FAM53B: variants seen among roughly 807,000 people sequenced by gnomAD.
FAM53B encodes the protein family with sequence similarity 53 member B.
A neutral mutation model predicts 32.7 loss-of-function variants in FAM53B; 12 were observed. The ratio of observed to expected loss-of-function variants is 0.37; its 90% CI spans 0.24 to 0.59. The LOEUF is 0.59. Among genes scored for constraint, FAM53B ranks in the 20% least tolerant of loss-of-function variants. The pLI is 0.72. For synonymous variants in FAM53B, 234 were observed against 228.7 expected, an observed-to-expected ratio of 1.02 and a Z score of -0.21; for missense variants, 477 against 577.7, an observed-to-expected ratio of 0.83 and a Z score of 1.79.
chr10:124,681,731 C>G lies in FAM53B; in HGVS notation c.782G>C (p.Ser261Thr). The G allele has an allele frequency of 6.2e-7, 1 of 1,610,680 alleles. No homozygotes were observed. Among genetic ancestry groups the G allele is most frequent in the Non-Finnish European group, 8.5e-7 (1 of 1,178,598 alleles). The part of the protein sequence containing the change: ...ASTPELARRS[S>T]GLSRSRSQPC... ...CTGGGAGCGGCTGCGGGAAAGGCCG[C>G]TGGAGCGTCTCGCCAGCTCTGGTGT... The change falls in exon 4 of 5, where the codon AGC becomes ACC. Residue 261 changes from serine to threonine, a missense_variant. Ser to Thr is a moderately conservative substitution (Grantham distance 58). This residue lies in a region of FAM53B where 312 missense variants were observed against 420.2 expected (regional missense o/e 0.74). Coordinates refer to ENST00000337318, the MANE Select transcript of FAM53B (RefSeq NM_014661.4).
At chr10:124,717,314 G>C (rs1177811403) in intron 1 of FAM53B, among the ~76,000 whole-genome samples, 1 of 152,194 alleles carries the variant, frequency 6.6e-6, no homozygotes, top group African/African-American at 2.4e-5. Flanking sequence ...TGACTCTCTG[G>C]GCCTCAGTTT....
chr10:124,713,677 A>C (rs1004329971), intron 1 of FAM53B: 1 of 152,248 alleles, frequency 6.6e-6, no homozygotes, highest in African/African-American at 2.4e-5. Flanking sequence ...GCTATCCCTT[A>C]AAAGAAACTG....
chr10:124,646,257 T>A (rs1484784610), intron 4 of FAM53B, among the ~76,000 whole-genome samples: 1 of 152,220 alleles, frequency 6.6e-6, no homozygotes, highest in Non-Finnish European at 1.5e-5. Flanking sequence ...CCTGTGTGAG[T>A]GCAGCTCGCT....
chr10:124,698,690 G>A (rs1260178076), intron 2 of FAM53B, among the ~76,000 whole-genome samples: 3 of 151,990 alleles, frequency 2.0e-5, no homozygotes, highest in Admixed American at 1.3e-4. Flanking sequence ...CCCACCATTG[G>A]CCCTGATCCC....
At chr10:124,631,353 C>G (rs892846770) in intron 4 of FAM53B, among the ~76,000 whole-genome samples, 1 of 152,190 alleles carries the variant, frequency 6.6e-6, no homozygotes, top group Non-Finnish European at 1.5e-5. Context: ...CAGCCCATCC[C>G]CAGCCCAGAC....
At chr10:124,642,814 G>C (rs969586745) in intron 4 of FAM53B, among the ~76,000 whole-genome samples, 1 of 152,174 alleles carries the variant, frequency 6.6e-6, no homozygotes, top group Non-Finnish European at 1.5e-5. Flanking sequence ...GTCGGTCTAG[G>C]AGAAACCTCT....
chr10:124,695,660 T>C (rs142720068), intron 3 of FAM53B, among the ~76,000 whole-genome samples: 32 of 152,356 alleles, frequency 2.1e-4, no homozygotes, highest in South Asian at 6.2e-4. Context: ...AATGCGGTAC[T>C]GTAGACCATT....
At position 124,621,420 on chromosome 10, in the gene FAM53B, A is replaced by C. The variant is rs998009064; in HGVS notation, c.*1822T>G. 1 of 152,268 alleles carries C rather than the reference A, an allele frequency of 6.6e-6. No individual in the cohort carries two copies. Among genetic ancestry groups the C allele is most frequent in the African/African-American group, 2.4e-5 (1 of 41,464 alleles). The allele number at this position is 152,268 out of a possible 1,614,324, so 9.4% of individuals were successfully genotyped here. ...TTGGGTTCGGCTGTCCGGGATCACA[A>C]GTAGACATGCCTCCGGCAGGAGCTA... is the stretch of plus-strand genomic sequence containing the variant. On this transcript the variant is annotated 3_prime_UTR_variant, in exon 5 of 5. Coordinates refer to ENST00000337318, the MANE Select transcript of FAM53B (RefSeq NM_014661.4).
chr10:124,645,749 G>A (rs1429173551), intron 4 of FAM53B, among the ~76,000 whole-genome samples: 8 of 152,140 alleles, frequency 5.3e-5, no homozygotes, highest in Admixed American at 4.6e-4. Context: ...GCAGAAGTGC[G>A]CCAGGAAACC....
intron 3 of FAM53B, among the ~76,000 whole-genome samples, chr10:124,687,071 AC>A (rs1248176424): frequency 2.0e-5 from 3 of 152,266 alleles, no homozygotes; most frequent in Non-Finnish European, 4.4e-5. Flanking sequence ...GAAGTACAAT[AC>A]GAGAAAAGTA....
Position 124,622,979 on chromosome 10 carries a change from T to C in FAM53B, c.*263A>G. Reference sequence around the variant, plus strand: ...GCAGAAAAGACGCAAACTTCAAAGCTGTCCTCTGGGCTGCAGTAGTTCTGT... The same window carrying C: ...GCAGAAAAGACGCAAACTTCAAAGCCGTCCTCTGGGCTGCAGTAGTTCTGT... On this transcript the variant is annotated 3_prime_UTR_variant, in exon 5 of 5. Coordinates refer to ENST00000337318, the MANE Select transcript of FAM53B (RefSeq NM_014661.4). 1 of 462,912 alleles carries C rather than the reference T, an allele frequency of 2.2e-6. No homozygotes were observed. The highest frequency in any genetic ancestry group is 3.8e-6 in the Non-Finnish European group (1 of 261,636). The allele number at this position is 462,912 out of a possible 1,614,324, so 28.7% of individuals were successfully genotyped here.
At chr10:124,667,224 G>C (rs1949678132) in intron 4 of FAM53B, 1 of 561,402 alleles carries the variant, frequency 1.8e-6, no homozygotes, top group Non-Finnish European at 3.2e-6. Context: ...TCGATGACAT[G>C]TGGAAATGAT....
Position 124,619,668 on chromosome 10 carries a change from A to ATCT in FAM53B, c.*3573_*3574insAGA, listed in dbSNP as rs374545259. 2,060 of 152,626 alleles carry ATCT rather than the reference A, an allele frequency of 0.013. 69 individuals are homozygous for ATCT. The highest frequency in any genetic ancestry group is 0.07 in the Admixed American group (1,066 of 15,298). 9.5% of individuals were successfully genotyped at this position (152,626 alleles called of 1,614,324 possible). ...TCGGTCTGCCATTAAAAAAAAAAAA[A>ATCT]ATCTTTCTCTTCTTTTCTCTTTAAA... On this transcript the variant is annotated 3_prime_UTR_variant, in exon 5 of 5. Transcript: ENST00000337318.
intron 4 of FAM53B, 53 bp downstream of exon 4, chr10:124,681,554 C>G (rs949481840): frequency 2.2e-5 from 32 of 1,467,710 alleles, no homozygotes; most frequent in Middle Eastern, 2.5e-4. Context: ...GGCCCAGAAC[C>G]AGCAGAGGCT....
At chr10:124,701,863 T>TC (rs1949916673) in intron 2 of FAM53B, among the ~76,000 whole-genome samples, 1 of 152,238 alleles carries the variant, frequency 6.6e-6, no homozygotes, top group African/African-American at 2.4e-5. Context: ...TTTCCCTTTT[T>TC]CCCACATCTT....
At chr10:124,635,541 T>C (rs557327170) in intron 4 of FAM53B, among the ~76,000 whole-genome samples, 51 of 152,330 alleles carry the variant, frequency 3.3e-4, no homozygotes, top group African/African-American at 1.1e-3. Flanking sequence ...TGTCAACTGC[T>C]GGACCAGCCT....
chr10:124,675,849 T>TG (rs1949733319), intron 4 of FAM53B, among the ~76,000 whole-genome samples: 1 of 152,332 alleles, frequency 6.6e-6, no homozygotes, highest in South Asian at 2.1e-4. Flanking sequence ...CCCCAACTCT[T>TG]CCTGTACTCT....
rs1194688062 is a variant in FAM53B, at chr10:124,651,413, C to T, written c.907-27809G>A. Among the ~76,000 whole-genome samples the T allele has an allele frequency of 2.0e-5, 3 of 152,228 alleles. No homozygotes were observed. Among genetic ancestry groups the T allele is most frequent in the Non-Finnish European group, 4.4e-5 (3 of 68,038 alleles). ...GCTCTGCTCTGTCCTCCCAGCTACA[C>T]AGGACAGGCAGGGATGAAGCTAAGA... On this transcript the variant is annotated intron_variant, in intron 4 of 4. Coordinates refer to ENST00000337318, the MANE Select transcript of FAM53B (RefSeq NM_014661.4). This position sits in a 1 kb window ranked among gnomAD's most constrained non-coding sequence, Gnocchi z 5.2.
intron 3 of FAM53B, among the ~76,000 whole-genome samples, chr10:124,695,789 TA>T (rs1275504715): frequency 6.6e-6 from 1 of 152,216 alleles, no homozygotes; most frequent in South Asian, 2.1e-4. Context: ...ATGGGCTATA[TA>T]AAAAATGCTA....
Sources: gnomAD v4.1 joint callset for allele counts (sites outside exome capture counted in the v4.1 genomes callset) on GRCh38, gnomAD v4.1.1 for gene constraint, gnomAD v4.1.1 regional missense constraint, Gnocchi (gnomAD v3.1) non-coding constraint, MANE v1.5 for transcripts, NCBI Gene and HGNC (gene_info 2026-07-23, HGNC 2026-07-21) for gene names.